Variants in CLHC1 observed in about 807,000 individuals in gnomAD.
CLHC1 encodes clathrin heavy chain linker domain containing 1, also known as clathrin heavy chain linker domain-containing protein 1.
A neutral mutation model predicts 69.5 loss-of-function variants in CLHC1; 72 were observed. The ratio of observed to expected loss-of-function variants is 1.04; its 90% CI spans 0.86 to 1.26. CLHC1 has a LOEUF of 1.26. CLHC1 is among the 50% of genes most tolerant of loss of function. The pLI is 0.00. For synonymous variants in CLHC1, 223 were observed against 224.3 expected, an observed-to-expected ratio of 0.99 and a Z score of 0.05; for missense variants, 790 against 679.3, an observed-to-expected ratio of 1.16 and a Z score of -1.81.
chr2:55,175,592 T>G lies in CLHC1; in HGVS notation c.*198A>C. On this transcript the variant is annotated 3_prime_UTR_variant, in exon 13 of 13. Coordinates refer to ENST00000401408, the MANE Select transcript of CLHC1 (RefSeq NM_152385.4). ...TTTTATCAAGATTCAATATAAGAAA[T>G]GACCATATGGGGAAAAGGAAGCAAT... 1.9e-6 allele frequency: 1 copy of G among 520,718 alleles called. No homozygotes were observed. Among genetic ancestry groups the G allele is most frequent in the Non-Finnish European group, 3.4e-6 (1 of 294,558 alleles). 32.3% of individuals were successfully genotyped at this position (520,718 alleles called of 1,614,324 possible). A position where few individuals can be genotyped will look rare whatever the true frequency, so the allele number is the denominator to read the frequency against.
At chr2:55,190,987 GAC>G (rs1323212193) in intron 9 of CLHC1, among the ~76,000 whole-genome samples, 1 of 151,944 alleles carries the variant, frequency 6.6e-6, no homozygotes, top group Non-Finnish European at 1.5e-5. Flanking sequence ...ATAGAGAAAA[GAC>G]ACATATGTAC....
At chr2:55,184,734 G>A (rs556123795) in intron 9 of CLHC1, among the ~76,000 whole-genome samples, 32 of 151,882 alleles carry the variant, frequency 2.1e-4, no homozygotes, top group Non-Finnish European at 3.5e-4. Context: ...GTGAAACCCT[G>A]TCTCTACTAA....
chr2:55,181,652 C>A lies in CLHC1; in HGVS notation c.1099G>T (p.Ala367Ser), dbSNP rs1340077907. The part of the protein sequence containing the change: ...TSHAFPCPVD[A>S]ALTLEGIKCG... ...TTGATTCCTTCCAGGGTTAGAGCTGCATCAACAGGACATGGAAAAGCATGA... is the reference window on the plus strand; with the variant it reads ...TTGATTCCTTCCAGGGTTAGAGCTGAATCAACAGGACATGGAAAAGCATGA... Residue 367 changes from alanine to serine, a missense_variant, in exon 10 of 13, where the codon GCA becomes TCA. By Grantham distance (99) the Ala-to-Ser change is moderately conservative. Coordinates refer to ENST00000401408, the MANE Select transcript of CLHC1 (RefSeq NM_152385.4). The A allele has an allele frequency of 6.2e-7, 1 of 1,613,540 alleles. No homozygotes were observed. The highest frequency in any genetic ancestry group is 8.5e-7 in the Non-Finnish European group (1 of 1,179,678).
rs755681965 is a variant in CLHC1 at position 55,175,852 on chromosome 2, C to T, written c.1699G>A (p.Ala567Thr). 2.5e-6 allele frequency: 4 copies of T among 1,613,992 alleles called. No individual in the cohort carries two copies. The highest frequency in any genetic ancestry group is 3.4e-6 in the Non-Finnish European group (4 of 1,179,920). Residue 567 changes from alanine to threonine, a missense_variant, in exon 13 of 13, where the codon GCA becomes ACA. Coordinates refer to ENST00000401408, the MANE Select transcript of CLHC1 (RefSeq NM_152385.4). ...DITSILRSQA[A>T]VTEISEEDDA... ...TCCTCTTCAGAAATTTCTGTAACTG[C>T]AGCCTGAGATCGAAGAATAGACGTG...
At position 55,227,642 on chromosome 2, in the gene CLHC1, C is replaced by T. The variant is rs555559173; in HGVS notation, c.-83+390G>A. Among the ~76,000 whole-genome samples, 183 of 146,738 alleles carry T rather than the reference C, an allele frequency of 1.2e-3. No homozygotes were observed. In the Middle Eastern group the frequency reaches 0.018, roughly 14 times the overall value. ...GCAGTGAGCCGAGATTGAGCCACTG[C>T]ACTCCAGCCTGGGCAATAGAGCAAG... On this transcript the variant is annotated intron_variant, in intron 2 of 12. Transcript: ENST00000401408.
chr2:55,216,114 A>T (rs1428556626), intron 4 of CLHC1: 2 of 306 alleles, frequency 6.5e-3, no homozygotes, highest in Non-Finnish European at 0.017. Context: ...ATCTCTACTA[A>T]AAAAAAAAAA....
At chr2:55,176,106 T>G in intron 12 of CLHC1, 120 bp from the exon 13 acceptor site, 1 of 777,060 alleles carries the variant, frequency 1.3e-6, no homozygotes, top group Non-Finnish European at 2.1e-6. Flanking sequence ...CTCTACCTGA[T>G]TCCCCTAAGA....
chr2:55,188,207 T>C (rs1409777582), intron 9 of CLHC1, among the ~76,000 whole-genome samples: 1 of 152,030 alleles, frequency 6.6e-6, no homozygotes, highest in Non-Finnish European at 1.5e-5. Flanking sequence ...TCCCAATGAC[T>C]AGAGACGCTG....
intron 11 of CLHC1, among the ~76,000 whole-genome samples, chr2:55,179,421 T>A (rs1287258585): frequency 6.6e-6 from 1 of 152,150 alleles, no homozygotes; most frequent in Non-Finnish European, 1.5e-5. Flanking sequence ...AATAATAGTA[T>A]AGGGCATGCT....
intron 12 of CLHC1, among the ~76,000 whole-genome samples, chr2:55,176,653 T>C (rs1226697829): frequency 2.0e-5 from 3 of 152,210 alleles, no homozygotes; most frequent in African/African-American, 4.8e-5. Context: ...TTACTTATGG[T>C]ACTTCATAAA....
intron 9 of CLHC1, among the ~76,000 whole-genome samples, chr2:55,200,004 A>G (rs940718143): frequency 1.3e-5 from 2 of 152,038 alleles, no homozygotes; most frequent in Non-Finnish European, 2.9e-5. Flanking sequence ...CAGGAGGATT[A>G]CCTGAACCCA....
At chr2:55,209,883 G>T in intron 5 of CLHC1, 52 bp from the exon 6 acceptor site, 1 of 1,198,136 alleles carries the variant, frequency 8.3e-7, no homozygotes, top group Non-Finnish European at 1.2e-6. Context: ...TGGGACGCTT[G>T]TGCTCAAAGA....
intron 9 of CLHC1, among the ~76,000 whole-genome samples, chr2:55,198,118 T>C (rs1302885022): frequency 6.6e-6 from 1 of 152,160 alleles, no homozygotes; most frequent in Non-Finnish European, 1.5e-5. Context: ...ATTAGTGATC[T>C]TGAAGCCAGA....
In CLHC1 at chr2:55,212,612, C is replaced by G. The variant is rs1673115572; in HGVS notation, c.499+61G>C. 4 of 1,312,522 alleles carry G rather than the reference C, an allele frequency of 3.0e-6. No homozygotes were observed. The East Asian group carries it at 9.3e-5, about 30-fold the overall frequency. The allele number at this position is 1,312,522 out of a possible 1,614,324, so 81.3% of individuals were successfully genotyped here. On this transcript the variant is annotated intron_variant, in intron 5 of 12. Transcript: ENST00000401408. ...TCAGCACATTTATATTAATGCATGC[C>G]TTAGGTAAAAATTGGAAATAATCAG...
chr2:55,222,728 C>T (rs1674263587), intron 2 of CLHC1, among the ~76,000 whole-genome samples: 2 of 151,804 alleles, frequency 1.3e-5, no homozygotes, highest in Non-Finnish European at 2.9e-5. Context: ...CGAGACCAGC[C>T]TGACCAACAT....
intron 12 of CLHC1, 54 bp downstream of exon 12, chr2:55,177,548 C>T: frequency 7.6e-7 from 1 of 1,318,370 alleles, no homozygotes. Context: ...CCATCTTGAA[C>T]CTCTCCCTAG....
At chr2:55,228,881 G>A (rs1189739347) in intron 1 of CLHC1, among the ~76,000 whole-genome samples, 4 of 152,168 alleles carry the variant, frequency 2.6e-5, no homozygotes, top group Admixed American at 6.5e-5. Flanking sequence ...CAGGCACAGC[G>A]GCTCATGCCT....
At chr2:55,226,264 G>A (rs1203699754) in intron 2 of CLHC1, among the ~76,000 whole-genome samples, 1 of 151,426 alleles carries the variant, frequency 6.6e-6, no homozygotes, top group Non-Finnish European at 1.5e-5. Flanking sequence ...TACAGAAGTT[G>A]GTGCCTAAGA....
At chr2:55,192,413 C>A (rs1332204560) in intron 9 of CLHC1, among the ~76,000 whole-genome samples, 4 of 152,020 alleles carry the variant, frequency 2.6e-5, no homozygotes, top group Non-Finnish European at 5.9e-5. Context: ...CTGCTTCTGG[C>A]CTCAAATTGT....
Sources: gnomAD v4.1 joint callset for allele counts (sites outside exome capture counted in the v4.1 genomes callset) on GRCh38, gnomAD v4.1.1 for gene constraint, MANE v1.5 for transcripts, NCBI Gene and HGNC (gene_info 2026-07-23, HGNC 2026-07-21) for gene names.